LRRTM4: variants seen among roughly 807,000 people sequenced by gnomAD.
LRRTM4 encodes leucine-rich repeat transmembrane neuronal protein 4.
A neutral mutation model predicts 47.6 loss-of-function variants in LRRTM4; 25 were observed. The observed-to-expected ratio is 0.53, with a 90% CI of 0.38 to 0.73. The LOEUF (loss-of-function observed/expected upper bound fraction) is 0.73, where lower values mean the gene tolerates loss of function less well. LRRTM4 is among the 30% of genes least tolerant of loss of function. The pLI is 0.00. For synonymous variants in LRRTM4, 311 were observed against 269.5 expected (o/e 1.15, Z -1.51); for missense variants, 638 against 713.4 (o/e 0.89, Z 1.20).
chr2:77,043,479 T>G (rs1679107584), intron 3 of LRRTM4, among the ~76,000 whole-genome samples: 1 of 151,760 alleles, frequency 6.6e-6, no homozygotes, highest in South Asian at 2.1e-4. Flanking sequence ...CCTGTAATGC[T>G]TACACAAACA....
chr2:76,784,620 A>G (rs1055322723), intron 3 of LRRTM4, among the ~76,000 whole-genome samples: 5 of 152,082 alleles, frequency 3.3e-5, no homozygotes, highest in African/African-American at 9.7e-5. Context: ...TGTATTTACT[A>G]TGGGGCACCA....
chr2:77,057,388 C>T (rs1679644309), intron 3 of LRRTM4, among the ~76,000 whole-genome samples: 1 of 152,092 alleles, frequency 6.6e-6, no homozygotes, highest in Admixed American at 6.6e-5. Context: ...TGCGAAAATG[C>T]TTTGAAACCT....
At chr2:76,959,941 A>T (rs969226318) in intron 3 of LRRTM4, among the ~76,000 whole-genome samples, 2 of 151,718 alleles carry the variant, frequency 1.3e-5, no homozygotes, top group Non-Finnish European at 3.0e-5. Context: ...ATTACTACCA[A>T]TACCATTGCC....
chr2:77,253,966 C>A (rs372989956), intron 3 of LRRTM4, among the ~76,000 whole-genome samples: 3 of 151,898 alleles, frequency 2.0e-5, no homozygotes, highest in African/African-American at 7.2e-5. Context: ...TGAAAACTTT[C>A]CAAAATTGAC....
intron 3 of LRRTM4, among the ~76,000 whole-genome samples, chr2:77,029,266 C>G (rs181356759): frequency 2.0e-5 from 3 of 151,656 alleles, no homozygotes; most frequent in Admixed American, 6.6e-5. Context: ...TTGACTCACA[C>G]GATCACAAGA....
At chr2:77,256,367 C>G (rs1675765968) in intron 3 of LRRTM4, among the ~76,000 whole-genome samples, 1 of 152,026 alleles carries the variant, frequency 6.6e-6, no homozygotes, top group African/African-American at 2.4e-5. Context: ...TTTAAACAAG[C>G]TCATCTAAAA....
At chr2:77,033,904 TTA>T (rs1384407528) in intron 3 of LRRTM4, among the ~76,000 whole-genome samples, 2 of 151,956 alleles carry the variant, frequency 1.3e-5, no homozygotes, top group African/African-American at 2.4e-5. Flanking sequence ...CATAATAGTT[TTA>T]TATGTTCCTT....
chr2:76,902,537 G>C (rs1334166454), intron 3 of LRRTM4, among the ~76,000 whole-genome samples: 3 of 152,144 alleles, frequency 2.0e-5, no homozygotes, highest in African/African-American at 7.2e-5. Flanking sequence ...TCTGAATCTG[G>C]AATGTTAGAA....
chr2:76,916,384 CAAAAAAAAAAAA>C (rs57874749), intron 3 of LRRTM4, among the ~76,000 whole-genome samples: 6 of 53,500 alleles, frequency 1.1e-4, no homozygotes, highest in African/African-American at 4.8e-4. Flanking sequence ...GACTGTGTCT[CAAAAAAAAAAAA>C]AAAAAAAAAA....
intron 3 of LRRTM4, among the ~76,000 whole-genome samples, chr2:77,021,548 T>C (rs1678271165): frequency 6.6e-6 from 1 of 152,152 alleles, no homozygotes; most frequent in South Asian, 2.1e-4. Context: ...GCTTGTCAGT[T>C]GGCATTTTGT....
intron 3 of LRRTM4, among the ~76,000 whole-genome samples, chr2:76,767,415 T>A (rs1673499975): frequency 6.6e-6 from 1 of 152,186 alleles, no homozygotes; most frequent in South Asian, 2.1e-4. Flanking sequence ...ATTCGGGTAG[T>A]AATAGGATTC....
intron 3 of LRRTM4, among the ~76,000 whole-genome samples, chr2:77,171,045 G>A (rs1673035387): frequency 6.6e-6 from 1 of 151,354 alleles, no homozygotes; most frequent in Non-Finnish European, 1.5e-5. Context: ...ATATGTGTAT[G>A]CTTTAGTACA....
intron 3 of LRRTM4, among the ~76,000 whole-genome samples, chr2:77,284,050 T>C (rs1345294276): frequency 6.6e-6 from 1 of 152,090 alleles, no homozygotes; most frequent in African/African-American, 2.4e-5. Context: ...TCCTGTGTTG[T>C]CTCCTGTATA....
intron 3 of LRRTM4, among the ~76,000 whole-genome samples, chr2:77,361,282 G>C (rs1573310358): frequency 6.8e-6 from 1 of 147,164 alleles, no homozygotes; most frequent in Admixed American, 6.9e-5. Context: ...TCCTCCTTTT[G>C]CCACTGGTAA....
intron 3 of LRRTM4, among the ~76,000 whole-genome samples, chr2:76,847,835 A>C (rs1268367352): frequency 6.6e-6 from 1 of 152,160 alleles, no homozygotes; most frequent in Non-Finnish European, 1.5e-5. Context: ...TAAACATTTA[A>C]ATTAATTTAC....
chr2:76,959,755 T>C (rs1278293410), intron 3 of LRRTM4, among the ~76,000 whole-genome samples: 2 of 151,650 alleles, frequency 1.3e-5, no homozygotes, highest in Non-Finnish European at 3.0e-5. Context: ...TGGGGTGTGA[T>C]TATAATGGTG....
chr2:77,353,461 C>A (rs1263185929), intron 3 of LRRTM4, among the ~76,000 whole-genome samples: 1 of 152,022 alleles, frequency 6.6e-6, no homozygotes, highest in Non-Finnish European at 1.5e-5. Context: ...ACTCATAATA[C>A]AAAAATCTAT....
intron 3 of LRRTM4, among the ~76,000 whole-genome samples, chr2:77,423,233 A>G (rs1332152981): frequency 2.0e-5 from 3 of 152,102 alleles, no homozygotes; most frequent in African/African-American, 2.4e-5. Flanking sequence ...TATAAATAAT[A>G]CTGAAATAAA....
chr2:76,931,947 TAAGTA>T (rs935440225), intron 3 of LRRTM4, among the ~76,000 whole-genome samples: 1 of 152,136 alleles, frequency 6.6e-6, no homozygotes, highest in African/African-American at 2.4e-5. Flanking sequence ...GGGAGGTTAC[TAAGTA>T]AAAACAGGGT....
Sources: allele counts gnomAD v4.1 joint callset (sites outside exome capture counted in the v4.1 genomes callset), GRCh38; gene constraint gnomAD v4.1.1; transcripts MANE v1.5; gene names NCBI Gene and HGNC (gene_info 2026-07-23, HGNC 2026-07-21).